Variants in OTOG observed in about 807,000 individuals in gnomAD.
OTOG encodes the protein otogelin.
A neutral mutation model predicts 313.8 loss-of-function variants in OTOG; 296 were observed. The ratio of observed to expected loss-of-function variants is 0.94; its 90% CI spans 0.86 to 1.04. The LOEUF (loss-of-function observed/expected upper bound fraction) is 1.04. OTOG is among the 50% of genes least tolerant of loss of function. OTOG has a pLI of 0.00. For missense variants in OTOG, 3,948 were observed against 3,840.1 expected (o/e 1.03, Z -0.74); for synonymous variants, 1,533 against 1,554.9 (o/e 0.99, Z 0.33).
At chr11:17,553,546 C>G in intron 6 of OTOG, 27 bp downstream of exon 6, 1 of 1,414,790 alleles carries the variant, frequency 7.1e-7, no homozygotes, top group Non-Finnish European at 9.2e-7. Flanking sequence ...CTTGCCTGTC[C>G]AGGAATGCTT....
chr11:17,644,351 A>G (rs1416454317), intron 54 of OTOG, among the ~76,000 whole-genome samples: 1 of 152,272 alleles, frequency 6.6e-6, no homozygotes, highest in Non-Finnish European at 1.5e-5. Context: ...TATGGCCAGA[A>G]GCCATCTAGC....
rs989566207 is a variant in OTOG at position 17,599,570 on chromosome 11, T to C, written c.3683-101T>C. The C allele has an allele frequency of 6.0e-6, 8 of 1,338,448 alleles. No homozygotes were observed. In the African/African-American group the frequency reaches 7.3e-5, roughly 12 times the overall value. The allele number at this position is 1,338,448 out of a possible 1,614,324, so 82.9% of individuals were successfully genotyped here. ...GTGGGAGGCAGGCCAGGCCCAGCAC[T>C]TGGGGAAGAAGGGAGGCTGGGATGC... is the stretch of plus-strand genomic sequence containing the variant. On this transcript the variant is annotated intron_variant, in intron 30 of 55. Coordinates refer to ENST00000399397, the MANE Select transcript of OTOG (RefSeq NM_001292063.2).
Position 17,605,930 on chromosome 11 carries a change from G to A in OTOG, c.3951G>A (p.Leu1317=), listed in dbSNP as rs1290277712. The A allele has an allele frequency of 6.4e-7, 1 of 1,550,642 alleles. No homozygotes were observed. ...TTCACGTCACAGCCAACGGGTCTCTGGAGCTGGCTAAGTGGCAGGGCCGTG... is the reference window on the plus strand; with the variant it reads ...TTCACGTCACAGCCAACGGGTCTCTAGAGCTGGCTAAGTGGCAGGGCCGTG... The part of the protein sequence containing the change: ...FFLHVTANGS[L]ELAKWQGRDT... The change falls in exon 33 of 56, where the codon CTG becomes CTA. Residue 1317 remains leucine (L), a synonymous_variant. Transcript: ENST00000399397.
At chr11:17,560,886 T>C in intron 13 of OTOG, 69 bp downstream of exon 13, 1 of 1,371,930 alleles carries the variant, frequency 7.3e-7, no homozygotes, top group Non-Finnish European at 1.0e-6. Flanking sequence ...GGGCTGCCCA[T>C]CTGGGAGCAC....
chr11:17,602,122 A>T, intron 31 of OTOG, 88 bp from the exon 32 acceptor site: 1 of 1,447,656 alleles, frequency 6.9e-7, no homozygotes, highest in Non-Finnish European at 9.3e-7. Flanking sequence ...TTGCCCTCCC[A>T]CCCCACTGCT....
At chr11:17,573,398 C>G in intron 19 of OTOG, 108 bp downstream of exon 19, 1 of 1,179,030 alleles carries the variant, frequency 8.5e-7, no homozygotes, top group Non-Finnish European at 1.2e-6. Context: ...TCTCCTCCAG[C>G]CTGACTGCAC....
rs759443594 is a variant in OTOG, at chr11:17,553,540, C to G, written c.540+21C>G. 3.5e-6 allele frequency: 5 copies of G among 1,420,942 alleles called. No individual in the cohort carries two copies. The South Asian group carries it at 8.4e-5, about 24-fold the overall frequency. The allele number at this position is 1,420,942 out of a possible 1,614,324, so 88.0% of individuals were successfully genotyped here. A position where few individuals can be genotyped will look rare whatever the true frequency, so the allele number is the denominator to read the frequency against. ...TCCAGGTGAGGCCTCCCCTGCCTTG[C>G]CTGTCCAGGAATGCTTCTCTAGGCC... On this transcript the variant is annotated intron_variant, in intron 6 of 55. Coordinates refer to ENST00000399397, the MANE Select transcript of OTOG (RefSeq NM_001292063.2).
At chr11:17,572,310 G>T in intron 18 of OTOG, 106 bp downstream of exon 18, 1 of 1,440,750 alleles carries the variant, frequency 6.9e-7, no homozygotes, top group South Asian at 1.4e-5. Context: ...GGCCAAATTT[G>T]TAGGAGTGAT....
chr11:17,640,833 A>G lies in OTOG; in HGVS notation c.8011+13A>G. On this transcript the variant is annotated intron_variant, in intron 50 of 55. Transcript: ENST00000399397. ...AAGTACGAGTGTGGTGAGTGGGGGA[A>G]GCCTCGGGGCAGAGCCATGCAGGAG... 1 of 1,550,262 alleles carries G rather than the reference A, an allele frequency of 6.5e-7. No individual in the cohort carries two copies. The highest frequency in any genetic ancestry group is 1.2e-5 in the South Asian group (1 of 84,064).
chr11:17,566,939 A>C (rs1852304388), intron 15 of OTOG, among the ~76,000 whole-genome samples: 1 of 152,226 alleles, frequency 6.6e-6, no homozygotes. Context: ...ATTTGCCTAC[A>C]TCAAGTTTCA....
chr11:17,594,255 T>C, intron 28 of OTOG, 89 bp downstream of exon 28: 8 of 1,494,326 alleles, frequency 5.4e-6, no homozygotes, highest in Non-Finnish European at 7.3e-6. Flanking sequence ...GGAAGAGGGA[T>C]GCTGGTGTGA....
intron 39 of OTOG, among the ~76,000 whole-genome samples, chr11:17,621,985 A>G (rs975908106): frequency 3.3e-5 from 5 of 152,278 alleles, no homozygotes; most frequent in Admixed American, 6.5e-5. Flanking sequence ...ATGGAGTCCT[A>G]TGAATGCAGG....
chr11:17,600,628 A>C (rs955325700), intron 31 of OTOG, among the ~76,000 whole-genome samples: 1 of 152,188 alleles, frequency 6.6e-6, no homozygotes, highest in Non-Finnish European at 1.5e-5. Flanking sequence ...GCAGGACTGC[A>C]GTTCTGCCAA....
intron 14 of OTOG, 139 bp downstream of exon 14, chr11:17,561,276 C>A: frequency 9.7e-7 from 1 of 1,028,886 alleles, no homozygotes; most frequent in Non-Finnish European, 1.4e-6. Context: ...CCCCTGTTTC[C>A]TCAGAATCAC....
Position 17,645,647 on chromosome 11 carries a change from C to T in OTOG, c.8541+4C>T, listed in dbSNP as rs751553246. The stretch of plus-strand genomic sequence containing the variant: ...TGAATGCAGGAGCAGCACCCCTGTG[C>T]GTGGTGCCCACAAGGCAGTGGGGCA... On this transcript the variant is annotated splice_donor_region_variant and intron_variant, in intron 55 of 55. Coordinates refer to ENST00000399397, the MANE Select transcript of OTOG (RefSeq NM_001292063.2). The T allele has an allele frequency of 1.0e-5, 16 of 1,550,532 alleles. No individual in the cohort carries two copies. Among genetic ancestry groups the T allele is most frequent in the African/African-American group, 2.7e-5 (2 of 73,060 alleles).
chr11:17,613,143 G>A (rs1480291775), intron 38 of OTOG, among the ~76,000 whole-genome samples: 2 of 151,750 alleles, frequency 1.3e-5, no homozygotes, highest in African/African-American at 4.8e-5. Flanking sequence ...GGTGGAAAGA[G>A]GTAGCTTCTT....
intron 15 of OTOG, 98 bp from the exon 16 acceptor site, chr11:17,569,058 T>C: frequency 7.3e-7 from 1 of 1,373,422 alleles, no homozygotes; most frequent in Non-Finnish European, 9.9e-7. Flanking sequence ...GGAAACTGTC[T>C]CTCAAGCTGG....
chr11:17,553,634 GC>G, intron 6 of OTOG, 115 bp downstream of exon 6: 5 of 1,019,680 alleles, frequency 4.9e-6, no homozygotes, highest in Non-Finnish European at 6.4e-6. Flanking sequence ...TCCTTGCATC[GC>G]CCCCCAGCTC....
chr11:17,590,040 C>A (rs1488602493), intron 24 of OTOG, among the ~76,000 whole-genome samples: 1 of 152,108 alleles, frequency 6.6e-6, no homozygotes, highest in Non-Finnish European at 1.5e-5. Flanking sequence ...TGGAGCAACC[C>A]AAGAGACCTC....
Sources: allele counts gnomAD v4.1 joint callset (sites outside exome capture counted in the v4.1 genomes callset), GRCh38; gene constraint gnomAD v4.1.1; transcripts MANE v1.5; gene names NCBI Gene and HGNC (gene_info 2026-07-23, HGNC 2026-07-21).